DRC9: variants seen among roughly 807,000 people sequenced by gnomAD.
The protein encoded by DRC9 is dynein regulatory complex subunit 9.
At chr3:197,931,928 T>TC in the DRC9 span, among the ~76,000 whole-genome samples, 1 of 152,024 alleles carries the variant, frequency 6.6e-6, no homozygotes, top group Non-Finnish European at 1.5e-5. Flanking sequence ...CCCGGCCGAA[T>TC]TCAATCTTAA....
At chr3:197,900,335 T>C in the DRC9 span, among the ~76,000 whole-genome samples, 1 of 152,188 alleles carries the variant, frequency 6.6e-6, no homozygotes, top group Non-Finnish European at 1.5e-5. The surrounding 1 kb of genome is among the most constrained non-coding windows in gnomAD (Gnocchi z 4.7). Context: ...CCTCAGGCAG[T>C]GCAGCCTCTA....
chr3:197,929,749 T>C, the DRC9 span, among the ~76,000 whole-genome samples: 2 of 151,594 alleles, frequency 1.3e-5, no homozygotes, highest in Non-Finnish European at 1.5e-5. The surrounding 1 kb of genome is among the most constrained non-coding windows in gnomAD (Gnocchi z 4.6). Flanking sequence ...CCAGCCTGGG[T>C]GACAGAGTAA....
chr3:197,898,839 A>G, the DRC9 span, among the ~76,000 whole-genome samples: 1 of 152,328 alleles, frequency 6.6e-6, no homozygotes, highest in Non-Finnish European at 1.5e-5. Flanking sequence ...TTGGGTGGGG[A>G]CACAGAACCA....
At chr3:197,953,338 T>C in the DRC9 span, 6 of 424,110 alleles carry the variant, frequency 1.4e-5, no homozygotes, top group South Asian at 1.0e-4. Flanking sequence ...ATTGGGCCAC[T>C]GTACTGCAGC....
chr3:197,907,453 A>G, the DRC9 span, among the ~76,000 whole-genome samples: 3 of 152,230 alleles, frequency 2.0e-5, no homozygotes, highest in African/African-American at 7.2e-5. Flanking sequence ...CTCTCTGGTA[A>G]GTGCATCTAT....
chr3:197,920,887 C>T, the DRC9 span, among the ~76,000 whole-genome samples: 1 of 152,148 alleles, frequency 6.6e-6, no homozygotes, highest in Admixed American at 6.6e-5. Context: ...ATTAATCCTA[C>T]ACATCTAAGC....
the DRC9 span, among the ~76,000 whole-genome samples, chr3:197,948,538 G>A: frequency 2.0e-5 from 3 of 152,288 alleles, no homozygotes; most frequent in Non-Finnish European, 2.9e-5. Context: ...AATAATACAC[G>A]AGCAAACGAA....
the DRC9 span, among the ~76,000 whole-genome samples, chr3:197,907,738 T>G: frequency 2.6e-5 from 4 of 151,956 alleles, no homozygotes; most frequent in African/African-American, 9.7e-5. Context: ...TCCTCCCAGA[T>G]GAAGTTATCA....
chr3:197,943,304 G>A, the DRC9 span, among the ~76,000 whole-genome samples: 1 of 152,158 alleles, frequency 6.6e-6, no homozygotes, highest in East Asian at 1.9e-4. Context: ...TACTAGAAAA[G>A]GATATTCTGT....
the DRC9 span, among the ~76,000 whole-genome samples, chr3:197,946,434 CAAAA>C: frequency 2.8e-5 from 2 of 72,632 alleles, no homozygotes; most frequent in Non-Finnish European, 3.0e-5. Context: ...GACTCCGTCT[CAAAA>C]AAAAAAAAAA....
At chr3:197,892,626 A>T in the DRC9 span, 5 of 1,590,000 alleles carry the variant, frequency 3.1e-6, no homozygotes, top group Non-Finnish European at 4.3e-6. Context: ...TTCCTTCCTT[A>T]CCATCTTTGC....
chr3:197,945,677 G>A, the DRC9 span: 1 of 1,421,664 alleles, frequency 7.0e-7, no homozygotes, highest in East Asian at 2.3e-5. Flanking sequence ...TCTCACAAAA[G>A]TGCAGTTACC....
the DRC9 span, chr3:197,914,158 T>C: frequency 1.2e-6 from 1 of 866,322 alleles, no homozygotes; most frequent in Non-Finnish European, 1.9e-6. Flanking sequence ...TGGAACTATT[T>C]TTCCGCTGTC....
the DRC9 span, among the ~76,000 whole-genome samples, chr3:197,936,947 G>A: frequency 6.6e-6 from 1 of 152,116 alleles, no homozygotes; most frequent in Non-Finnish European, 1.5e-5. Context: ...TCTTGGTTAG[G>A]GTCGAATACC....
chr3:197,902,295 G>A, the DRC9 span, among the ~76,000 whole-genome samples: 3 of 152,116 alleles, frequency 2.0e-5, no homozygotes, highest in Non-Finnish European at 2.9e-5. Flanking sequence ...TACGTAATTC[G>A]TCAATGCCCA....
At chr3:197,951,722 G>A in the DRC9 span, 1 of 215,322 alleles carries the variant, frequency 4.6e-6, no homozygotes, top group South Asian at 6.1e-5. Context: ...TTGTTTTTGT[G>A]ACAAGAGTCT....
the DRC9 span, among the ~76,000 whole-genome samples, chr3:197,918,325 A>G: frequency 7.0e-6 from 1 of 142,278 alleles, no homozygotes; most frequent in African/African-American, 2.7e-5. Context: ...GCTGGTCTCA[A>G]ACTCCTGGTC....
At chr3:197,904,009 TATATATATACATAC>T in the DRC9 span, among the ~76,000 whole-genome samples, 3 of 94,880 alleles carry the variant, frequency 3.2e-5, no homozygotes, top group African/African-American at 1.2e-4. Context: ...TATACATACA[TATATATATACATAC>T]ATATATATAT....
At chr3:197,918,246 G>C in the DRC9 span, among the ~76,000 whole-genome samples, 2 of 132,830 alleles carry the variant, frequency 1.5e-5, no homozygotes, top group Non-Finnish European at 3.2e-5. Flanking sequence ...ACCACACCCA[G>C]CTAATTTTTT....
Sources: gnomAD v4.1 joint callset for allele counts (sites outside exome capture counted in the v4.1 genomes callset) on GRCh38, gnomAD v4.1.1 for gene constraint, Gnocchi (gnomAD v3.1) non-coding constraint, MANE v1.5 for transcripts, NCBI Gene and HGNC (gene_info 2026-07-23, HGNC 2026-07-21) for gene names.